PVT1: variants seen among roughly 807,000 people sequenced by gnomAD.
PVT1 encodes CXCR4/PVT1 fusion.
At chr8:128,045,357 A>G (rs995270422) in intron 4 of PVT1, among the ~76,000 whole-genome samples, 24 of 152,196 alleles carry the variant, frequency 1.6e-4, no homozygotes, top group African/African-American at 5.8e-4. Context: ...CCTGGAAAAC[A>G]TGTTAAATAA....
intron 2 of PVT1, among the ~76,000 whole-genome samples, chr8:127,856,698 T>C (rs1275324921): frequency 2.0e-5 from 3 of 152,224 alleles, no homozygotes; most frequent in Non-Finnish European, 2.9e-5. Context: ...GGAGTTTTTG[T>C]TGAAGACTAA....
At chr8:128,060,978 C>T (rs565499574) in intron 4 of PVT1, among the ~76,000 whole-genome samples, 8 of 146,634 alleles carry the variant, frequency 5.5e-5, no homozygotes, top group Middle Eastern at 3.7e-3. Flanking sequence ...GGCGTGATCT[C>T]GGCTCACTGC....
chr8:127,858,805 CTTTTTTT>C lies in PVT1; in HGVS notation n.373-31762_373-31756del, dbSNP rs35886687. ...CTCTTGTGGACTACACTTGAAGATT[CTTTTTTT>C]TTTTTTTTTTTTTTTTTTTTTGAGA... On this transcript the variant is annotated intron_variant and non_coding_transcript_variant, in intron 2 of 10. Transcript: ENST00000651587. 2.2e-3 allele frequency among the ~76,000 whole-genome samples: 106 copies of C among 47,316 alleles called. 1 individual carries two copies. The highest frequency in any genetic ancestry group is 3.7e-3 in the Non-Finnish European group (88 of 24,074). The allele number at this position is 47,316 out of a possible 152,430, so 31.0% of individuals were successfully genotyped here.
chr8:128,019,281 G>A (rs1190513188), intron 4 of PVT1, among the ~76,000 whole-genome samples: 1 of 152,186 alleles, frequency 6.6e-6, no homozygotes, highest in African/African-American at 2.4e-5. Flanking sequence ...TGCTATAATT[G>A]CACCAATCTT....
chr8:128,074,368 A>C lies in PVT1; in HGVS notation n.1114+4007A>C, dbSNP rs939805692. Among the ~76,000 whole-genome samples the C allele has an allele frequency of 1.1e-4, 17 of 152,012 alleles. No homozygotes were observed. The East Asian group carries it at 2.7e-3, about 24-fold the overall frequency. ...AAAAATGAAAAAATAAAAATAAAAA[A>C]AAAAATTAGTGGGGTGTGGTGGTGC... On this transcript the variant is annotated intron_variant and non_coding_transcript_variant, in intron 5 of 10. Coordinates refer to ENST00000651587, the Ensembl canonical transcript of PVT1.
At position 127,898,642 on chromosome 8, in the gene PVT1, A is replaced by C. The variant is rs1333826803; in HGVS notation, n.782+7644A>C. ...TGGGCCTCAGGGTGGCCTTGGCTGG[A>C]ACCTGTATTCCAGTGGCCCTGGTGG... is the stretch of plus-strand genomic sequence containing the variant. On this transcript the variant is annotated intron_variant and non_coding_transcript_variant, in intron 3 of 10. Transcript: ENST00000651587. This position sits in a 1 kb window ranked among gnomAD's most constrained non-coding sequence, Gnocchi z 4.4. 6.6e-6 allele frequency among the ~76,000 whole-genome samples: 1 copy of C among 152,184 alleles called. No individual in the cohort carries two copies. Among genetic ancestry groups the C allele is most frequent in the Non-Finnish European group, 1.5e-5 (1 of 68,024 alleles).
At chr8:127,853,806 T>G (rs546530561) in intron 2 of PVT1, among the ~76,000 whole-genome samples, 16 of 145,612 alleles carry the variant, frequency 1.1e-4, no homozygotes, top group Admixed American at 5.0e-4. Context: ...AAAAAAACAC[T>G]GTCTCAAAAA....
At position 127,876,605 on chromosome 8, in the gene PVT1, T is replaced by C. The variant is rs540948368; in HGVS notation, n.373-13984T>C. On this transcript the variant is annotated intron_variant and non_coding_transcript_variant, in intron 2 of 10. Transcript: ENST00000651587. ...CCCTGGATGATATTAGCATTACCCG[T>C]ACACTCTTCCCATCTCCTGGCCCCT... Among the ~76,000 whole-genome samples the C allele has an allele frequency of 2.6e-5, 4 of 152,116 alleles. No individual in the cohort carries two copies. The South Asian group carries it at 8.3e-4, about 32-fold the overall frequency.
At chr8:127,822,129 T>C (rs929129228) in intron 2 of PVT1, among the ~76,000 whole-genome samples, 1 of 152,252 alleles carries the variant, frequency 6.6e-6, no homozygotes, top group Admixed American at 6.5e-5. Flanking sequence ...AATTAGTGCA[T>C]ATAAAGTGCC....
intron 2 of PVT1, among the ~76,000 whole-genome samples, chr8:127,844,511 T>G (rs1815009223): frequency 6.6e-6 from 1 of 152,142 alleles, no homozygotes; most frequent in African/African-American, 2.4e-5. Context: ...TTTAATCTTC[T>G]TTGCTTCCTA....
chr8:127,995,852 CG>C (rs2130006791), intron 4 of PVT1, among the ~76,000 whole-genome samples: 1 of 152,208 alleles, frequency 6.6e-6, no homozygotes, highest in African/African-American at 2.4e-5. Flanking sequence ...TCCTGCGGAA[CG>C]TATGTGAAGC....
At chr8:127,797,719 T>C (rs919378329) in intron 2 of PVT1, among the ~76,000 whole-genome samples, 14 of 152,224 alleles carry the variant, frequency 9.2e-5, no homozygotes, top group African/African-American at 3.4e-4. Context: ...CTTCACCTTC[T>C]ACTCCCTACA....
At chr8:127,942,466 G>T (rs1816365040) in intron 3 of PVT1, among the ~76,000 whole-genome samples, 2 of 152,166 alleles carry the variant, frequency 1.3e-5, no homozygotes, top group African/African-American at 4.8e-5. Flanking sequence ...ACATCTTCAT[G>T]CATTGAAACT....
chr8:127,831,592 A>G, intron 2 of PVT1, among the ~76,000 whole-genome samples: 1 of 152,166 alleles, frequency 6.6e-6, no homozygotes, highest in Non-Finnish European at 1.5e-5. Context: ...ACATAGGACT[A>G]GACATGGCCA....
chr8:127,984,241 T>C (rs1816917446), intron 3 of PVT1: 1 of 152,186 alleles, frequency 6.6e-6, no homozygotes, highest in African/African-American at 2.4e-5. Context: ...CAGTTTGGGT[T>C]GAGACTGTTA....
intron 3 of PVT1, chr8:127,932,557 C>G (rs1404979871): frequency 2.5e-6 from 1 of 398,598 alleles, no homozygotes; most frequent in Non-Finnish European, 4.4e-6. Flanking sequence ...TGAGTCCCAG[C>G]CTGCTATGGA....
At chr8:127,958,009 G>A (rs554935995) in intron 3 of PVT1, among the ~76,000 whole-genome samples, 71 of 152,354 alleles carry the variant, frequency 4.7e-4, no homozygotes, top group African/African-American at 1.7e-3. Context: ...TCAAAGCTGA[G>A]TGCCCCTAAC....
intron 6 of PVT1, among the ~76,000 whole-genome samples, chr8:128,099,096 G>A (rs1019782271): frequency 1.3e-5 from 2 of 152,172 alleles, no homozygotes; most frequent in African/African-American, 4.8e-5. Context: ...CTCACCAGGG[G>A]TCGCCTAGCT....
intron 4 of PVT1, among the ~76,000 whole-genome samples, chr8:128,041,037 G>T (rs200524976): frequency 9.2e-6 from 1 of 108,868 alleles, no homozygotes; most frequent in South Asian, 3.4e-4. Context: ...CGTGTGTGTT[G>T]AGTGCCTGTG....
Sources: allele counts gnomAD v4.1 joint callset (sites outside exome capture counted in the v4.1 genomes callset), GRCh38; gene constraint gnomAD v4.1.1; non-coding constraint Gnocchi (gnomAD v3.1); transcripts MANE v1.5; gene names NCBI Gene and HGNC (gene_info 2026-07-23, HGNC 2026-07-21).